TYR: variants seen among roughly 807,000 people sequenced by gnomAD.
TYR encodes the protein LB24-AB.
A neutral mutation model predicts 51.5 loss-of-function variants in TYR; 58 were observed. That is an observed-to-expected ratio of 1.13 (90% confidence interval 0.91 to 1.40). The LOEUF is 1.40. Ranked by LOEUF, TYR falls within the 40% of genes most tolerant of loss-of-function variation. The probability of loss-of-function intolerance (pLI) is 0.00; values close to 1 mark genes in which losing one functional copy is unlikely to be tolerated. For synonymous variants in TYR, 263 were observed against 235.2 expected, an observed-to-expected ratio of 1.12 and a Z score of -1.08; for missense variants, 732 against 647.4, an observed-to-expected ratio of 1.13 and a Z score of -1.42.
At chr11:89,237,283 C>A (rs191287653) in intron 3 of TYR, among the ~76,000 whole-genome samples, 161 of 152,100 alleles carry the variant, frequency 1.1e-3, no homozygotes, top group Non-Finnish European at 1.8e-3. Context: ...TTGCCCAGAC[C>A]CATGTCATGG....
At chr11:89,185,999 T>A (rs1420566909) in intron 1 of TYR, among the ~76,000 whole-genome samples, 2 of 152,042 alleles carry the variant, frequency 1.3e-5, no homozygotes, top group East Asian at 1.9e-4. Flanking sequence ...AAAGTCAGAG[T>A]CAACAATGCC....
At chr11:89,204,648 T>G (rs1943648354) in intron 2 of TYR, among the ~76,000 whole-genome samples, 1 of 152,118 alleles carries the variant, frequency 6.6e-6, no homozygotes, top group African/African-American at 2.4e-5. Flanking sequence ...TCCACCCACT[T>G]TGGCCTCCCA....
intron 3 of TYR, among the ~76,000 whole-genome samples, chr11:89,278,875 T>C (rs1389497889): frequency 1.3e-5 from 2 of 151,744 alleles, no homozygotes; most frequent in Non-Finnish European, 3.0e-5. Flanking sequence ...CCTGTGATAG[T>C]TTTTCAGACT....
chr11:89,181,710 C>G (rs1309496079), intron 1 of TYR, among the ~76,000 whole-genome samples: 1 of 152,050 alleles, frequency 6.6e-6, no homozygotes, highest in East Asian at 1.9e-4. Flanking sequence ...TTAGGGTAAC[C>G]TGTGCATTTT....
Position 89,201,339 on chromosome 11 carries a change from A to G in TYR, c.1036+9921A>G, listed in dbSNP as rs115393618. ...TAGCCAGTTTATCTCTGAATCCTAC[A>G]TTCAAGTGAAAATGATTTCCTGTGG... is the stretch of plus-strand genomic sequence containing the variant. On this transcript the variant is annotated intron_variant, in intron 2 of 4. Transcript: ENST00000263321. Among the ~76,000 whole-genome samples, 244 of 152,288 alleles carry G rather than the reference A, an allele frequency of 1.6e-3. 1 individual carries two copies. Among genetic ancestry groups the G allele is most frequent in the African/African-American group, 5.5e-3 (228 of 41,562 alleles).
At chr11:89,245,686 G>A (rs1361754800) in intron 3 of TYR, among the ~76,000 whole-genome samples, 1 of 152,160 alleles carries the variant, frequency 6.6e-6, no homozygotes, top group Non-Finnish European at 1.5e-5. Context: ...ACTTTGGGAG[G>A]CCAAGGCGGG....
intron 2 of TYR, among the ~76,000 whole-genome samples, chr11:89,201,000 T>C (rs1185596494): frequency 6.6e-6 from 1 of 152,190 alleles, no homozygotes; most frequent in African/African-American, 2.4e-5. Context: ...CCATTAGTGA[T>C]TTTATAATAG....
Position 89,178,363 on chromosome 11 carries a change from A to C in TYR, c.410A>C (p.Tyr137Ser), listed in dbSNP as rs1943255041. The change falls in exon 1 of 5, where the codon TAC becomes TCC. Residue 137 changes from tyrosine to serine, a missense_variant. By Grantham distance (144) the Tyr-to-Ser change is moderately radical. Coordinates refer to ENST00000263321, the MANE Select transcript of TYR (RefSeq NM_000372.5). The part of the protein sequence containing the change: ...SAPEKDKFFA[Y>S]LTLAKHTISS... ...CCAGAGAAGGACAAATTTTTTGCCTACCTCACTTTAGCAAAGCATACCATC... is the reference window on the plus strand; with the variant it reads ...CCAGAGAAGGACAAATTTTTTGCCTCCCTCACTTTAGCAAAGCATACCATC... 5 of 1,614,126 alleles carry C rather than the reference A, an allele frequency of 3.1e-6. No individual in the cohort carries two copies. In the South Asian group the frequency reaches 5.5e-5, roughly 18 times the overall value.
intron 3 of TYR, among the ~76,000 whole-genome samples, chr11:89,266,336 G>T (rs11018557): frequency 0.023 from 3,482 of 152,022 alleles, 140 homozygotes; most frequent in African/African-American, 0.079. Context: ...AGAAGCATTT[G>T]AGTTCATAGA....
chr11:89,258,753 A>C (rs531203943), intron 3 of TYR, among the ~76,000 whole-genome samples: 1 of 152,214 alleles, frequency 6.6e-6, no homozygotes, highest in South Asian at 2.1e-4. Flanking sequence ...AGGTTCAACA[A>C]TACGGCTTTC....
At chr11:89,218,734 T>C (rs1302795319) in intron 2 of TYR, among the ~76,000 whole-genome samples, 1 of 152,212 alleles carries the variant, frequency 6.6e-6, no homozygotes. Context: ...ATACCATATT[T>C]ATTATTATGC....
chr11:89,189,911 A>G (rs2135251827), intron 1 of TYR, among the ~76,000 whole-genome samples: 1 of 152,280 alleles, frequency 6.6e-6, no homozygotes, highest in Middle Eastern at 3.4e-3. Flanking sequence ...TGGACCACAT[A>G]TATGACAGAG....
At chr11:89,252,538 C>G (rs1944342422) in intron 3 of TYR, among the ~76,000 whole-genome samples, 1 of 151,750 alleles carries the variant, frequency 6.6e-6, no homozygotes, top group South Asian at 2.1e-4. Context: ...CACTACAAGT[C>G]AAAGGAAGAT....
chr11:89,190,673 T>A (rs1943430559), intron 1 of TYR, among the ~76,000 whole-genome samples: 1 of 152,076 alleles, frequency 6.6e-6, no homozygotes, highest in African/African-American at 2.4e-5. Flanking sequence ...TCTACTGTAG[T>A]GTAGAGTAGT....
intron 3 of TYR, among the ~76,000 whole-genome samples, chr11:89,266,712 A>G (rs1944530099): frequency 6.6e-6 from 1 of 151,920 alleles, no homozygotes. Flanking sequence ...CTTGCTGCCC[A>G]CTTTTCTACT....
At chr11:89,202,866 T>C (rs531375152) in intron 2 of TYR, among the ~76,000 whole-genome samples, 53 of 152,268 alleles carry the variant, frequency 3.5e-4, no homozygotes, top group East Asian at 1.2e-3. Flanking sequence ...CTTCTCTTCA[T>C]TGCAAGCTCC....
chr11:89,178,668 C>A lies in TYR; in HGVS notation c.715C>A (p.Arg239=), dbSNP rs774670098. Residue 239 remains arginine, a synonymous_variant, in exon 1 of 5, where the codon CGG becomes AGG. Coordinates refer to ENST00000263321, the MANE Select transcript of TYR (RefSeq NM_000372.5). ...CTTCACTATTCCATATTGGGACTGG[C>A]GGGATGCAGAAAAGTGTGACATTTG... ...ENFTIPYWDW[R]DAEKCDICTD... 2 of 1,613,352 alleles carry A rather than the reference C, an allele frequency of 1.2e-6. No individual in the cohort carries two copies. Among genetic ancestry groups the A allele is most frequent in the Non-Finnish European group, 1.7e-6 (2 of 1,179,590 alleles).
At chr11:89,280,097 C>G (rs1944704061) in intron 3 of TYR, among the ~76,000 whole-genome samples, 1 of 151,564 alleles carries the variant, frequency 6.6e-6, no homozygotes, top group Non-Finnish European at 1.5e-5. Context: ...TTTGAAATAT[C>G]TCTAACATTG....
intron 2 of TYR, among the ~76,000 whole-genome samples, chr11:89,203,475 G>T (rs1943626663): frequency 6.6e-6 from 1 of 152,140 alleles, no homozygotes; most frequent in Non-Finnish European, 1.5e-5. Flanking sequence ...AAACATGATT[G>T]TCAATAACAA....
Sources: gnomAD v4.1 joint callset for allele counts (sites outside exome capture counted in the v4.1 genomes callset) on GRCh38, gnomAD v4.1.1 for gene constraint, MANE v1.5 for transcripts, NCBI Gene and HGNC (gene_info 2026-07-23, HGNC 2026-07-21) for gene names.